The following ZNF148 variants were observed in gnomAD, a reference collection of about 807,000 sequenced individuals.
ZNF148 encodes the protein Beta-Enolase Repressor Factor-1.
A neutral mutation model predicts 67.7 loss-of-function variants in ZNF148; 7 were observed. The observed-to-expected ratio is 0.10, with a 90% confidence interval of 0.06 to 0.19. ZNF148 has a LOEUF of 0.19. Ranked by LOEUF, ZNF148 falls within the 10% of genes least tolerant of loss-of-function variation. ZNF148 has a pLI of 1.00. For synonymous variants in ZNF148, 333 were observed against 330.7 expected, an observed-to-expected ratio of 1.01 and a Z score of -0.08; for missense variants, 583 against 947.1, an observed-to-expected ratio of 0.62 and a Z score of 5.05.
At chr3:125,318,500 GA>G (rs1940624621) in intron 3 of ZNF148, among the ~76,000 whole-genome samples, 1 of 130,580 alleles carries the variant, frequency 7.7e-6, no homozygotes, top group Non-Finnish European at 1.7e-5. Flanking sequence ...GACTGATTTG[GA>G]AGGGAAAAAA....
At chr3:125,302,848 AG>A (rs1939668181) in intron 4 of ZNF148, among the ~76,000 whole-genome samples, 1 of 152,244 alleles carries the variant, frequency 6.6e-6, no homozygotes, top group Non-Finnish European at 1.5e-5. Context: ...TCTGGGTGAT[AG>A]GGGTATGGTA....
intron 7 of ZNF148, among the ~76,000 whole-genome samples, chr3:125,248,228 C>G (rs973400514): frequency 1.3e-5 from 2 of 152,168 alleles, no homozygotes; most frequent in Admixed American, 6.5e-5. Flanking sequence ...AAACGTACAA[C>G]AGATTTTTAA....
chr3:125,253,380 G>T (rs1170825717), intron 7 of ZNF148, among the ~76,000 whole-genome samples: 1 of 151,984 alleles, frequency 6.6e-6, no homozygotes, highest in Non-Finnish European at 1.5e-5. Context: ...AAGTTATTTT[G>T]AATTTTCTAT....
intron 4 of ZNF148, among the ~76,000 whole-genome samples, chr3:125,297,707 T>C (rs1289379887): frequency 6.9e-6 from 1 of 145,742 alleles, no homozygotes; most frequent in Non-Finnish European, 1.5e-5. Flanking sequence ...GCAATTCCAC[T>C]ATCATACCAC....
chr3:125,335,443 T>C (rs1209839474), intron 1 of ZNF148, among the ~76,000 whole-genome samples: 1 of 152,146 alleles, frequency 6.6e-6, no homozygotes, highest in African/African-American at 2.4e-5. Context: ...AAAACCAGCC[T>C]AAATGGGGTT....
rs1431890863 is a variant in ZNF148 at position 125,230,751 on chromosome 3, G to T, written c.*1590C>A. Reference sequence around the variant, plus strand: ...TTAAGAATATTTTCATTTTCCAAGGGTATTAATTTTAGATTTTCACTGGTG... The same window carrying T: ...TTAAGAATATTTTCATTTTCCAAGGTTATTAATTTTAGATTTTCACTGGTG... On this transcript the variant is annotated 3_prime_UTR_variant, in exon 9 of 9. Transcript: ENST00000360647. 6.6e-6 allele frequency: 1 copy of T among 152,090 alleles called. No individual in the cohort carries two copies. Among genetic ancestry groups the T allele is most frequent in the Non-Finnish European group, 1.5e-5 (1 of 67,936 alleles). The allele number at this position is 152,090 out of a possible 1,614,324, so 9.4% of individuals were successfully genotyped here.
At chr3:125,253,786 A>G (rs1002035918) in intron 7 of ZNF148, among the ~76,000 whole-genome samples, 3 of 152,164 alleles carry the variant, frequency 2.0e-5, no homozygotes, top group African/African-American at 4.8e-5. Flanking sequence ...ATGATAAATT[A>G]TATTTAAATA....
At chr3:125,234,950 T>C (rs572923332) in intron 7 of ZNF148, among the ~76,000 whole-genome samples, 5 of 152,238 alleles carry the variant, frequency 3.3e-5, no homozygotes, top group Admixed American at 2.0e-4. Context: ...TTTTTGAAAA[T>C]CCCCTAATGA....
At chr3:125,292,496 T>C (rs1939070063) in intron 4 of ZNF148, 1 of 152,178 alleles carries the variant, frequency 6.6e-6, no homozygotes. Flanking sequence ...CTATCCTACT[T>C]GGAAATTCTA....
intron 5 of ZNF148, among the ~76,000 whole-genome samples, chr3:125,284,047 T>C (rs1402593887): frequency 6.6e-6 from 1 of 152,148 alleles, no homozygotes; most frequent in Admixed American, 6.6e-5. Context: ...AAAAGAGAGA[T>C]ACATTTCAGA....
intron 7 of ZNF148, among the ~76,000 whole-genome samples, chr3:125,273,528 CTCTGCT>C (rs1937874207): frequency 7.6e-6 from 1 of 131,668 alleles, no homozygotes; most frequent in Non-Finnish European, 1.6e-5. Context: ...CGGAGTCTTG[CTCTGCT>C]GCCCAGGCTG....
intron 1 of ZNF148, among the ~76,000 whole-genome samples, chr3:125,336,169 C>T (rs903092872): frequency 6.6e-6 from 1 of 152,186 alleles, no homozygotes; most frequent in Non-Finnish European, 1.5e-5. Flanking sequence ...CCCATGAGCA[C>T]TACCAAATAA....
rs185174950 is a variant in ZNF148, at chr3:125,245,415, G to C, written c.668-11086C>G. Among the ~76,000 whole-genome samples the C allele has an allele frequency of 4.8e-3, 727 of 152,196 alleles. 4 individuals are homozygous for C. The highest frequency in any genetic ancestry group is 5.1e-3 in the Non-Finnish European group (348 of 68,000). On this transcript the variant is annotated intron_variant, in intron 7 of 8. Coordinates refer to ENST00000360647, the MANE Select transcript of ZNF148 (RefSeq NM_021964.3). ...TGCCTCTTCCCCTTCCACCATGATT[G>C]CAAGTTTCCTGATGCCTCCCCAGCC...
chr3:125,263,186 G>A (rs915333640), intron 7 of ZNF148, among the ~76,000 whole-genome samples: 10 of 152,160 alleles, frequency 6.6e-5, no homozygotes, highest in African/African-American at 9.7e-5. Flanking sequence ...GCACAGAGAT[G>A]AATTCTTTAG....
At chr3:125,304,846 T>G (rs1332465588) in intron 4 of ZNF148, among the ~76,000 whole-genome samples, 1 of 152,042 alleles carries the variant, frequency 6.6e-6, no homozygotes, top group East Asian at 1.9e-4. Context: ...TCCACTAAAA[T>G]GAACTAGGGG....
chr3:125,320,481 G>A (rs1164470719), intron 3 of ZNF148, among the ~76,000 whole-genome samples: 2 of 152,070 alleles, frequency 1.3e-5, no homozygotes, highest in Non-Finnish European at 2.9e-5. Flanking sequence ...CTCACTTAGA[G>A]ATCCTACGTT....
At chr3:125,373,939 C>G (rs1942975316) in intron 1 of ZNF148, among the ~76,000 whole-genome samples, 1 of 152,200 alleles carries the variant, frequency 6.6e-6, no homozygotes, top group Non-Finnish European at 1.5e-5. Context: ...GGCACCAATT[C>G]TCCTGGACCA....
chr3:125,258,673 CATATG>C (rs777227191), intron 7 of ZNF148, among the ~76,000 whole-genome samples: 5 of 152,040 alleles, frequency 3.3e-5, no homozygotes, highest in East Asian at 1.9e-4. Flanking sequence ...ATTTATTACC[CATATG>C]ATATAAGTTA....
chr3:125,341,906 G>T (rs943370736), intron 1 of ZNF148, among the ~76,000 whole-genome samples: 26 of 149,924 alleles, frequency 1.7e-4, no homozygotes, highest in African/African-American at 5.4e-4. Flanking sequence ...TAAGGTAGGG[G>T]AATGACTTGA....
Sources: gnomAD v4.1 joint callset for allele counts (sites outside exome capture counted in the v4.1 genomes callset) on GRCh38, gnomAD v4.1.1 for gene constraint, MANE v1.5 for transcripts, NCBI Gene and HGNC (gene_info 2026-07-23, HGNC 2026-07-21) for gene names.